IGFBPL1: variants seen among roughly 807,000 people sequenced by gnomAD.
IGFBPL1 encodes the protein insulin-like growth factor-binding protein-like 1.
In IGFBPL1, 20 loss-of-function variants were observed where a neutral mutation model predicts 23.9. That is an observed-to-expected ratio of 0.84 (90% confidence interval 0.59 to 1.22). The LOEUF (loss-of-function observed/expected upper bound fraction) is 1.22, where lower values mean the gene tolerates loss of function less well. IGFBPL1 is among the 50% of genes most tolerant of loss of function. The pLI, the probability that IGFBPL1 is intolerant of heterozygous loss-of-function variation, is 0.00. For missense variants in IGFBPL1, 436 were observed against 379.3 expected, an observed-to-expected ratio of 1.15 and a Z score of -1.24; for synonymous variants, 184 against 171.8, an observed-to-expected ratio of 1.07 and a Z score of -0.56.
chr9:38,414,772 C>T (rs1821569226), intron 1 of IGFBPL1, among the ~76,000 whole-genome samples: 1 of 152,164 alleles, frequency 6.6e-6, no homozygotes, highest in Admixed American at 6.5e-5. Flanking sequence ...CCTCTGCCTC[C>T]CCATCCCCAG....
chr9:38,424,116 G>C lies in IGFBPL1; in HGVS notation c.309C>G (p.Thr103=), dbSNP rs1163082419. The change falls in exon 1 of 5, where the codon ACC becomes ACG. Residue 103 remains threonine (T), a synonymous_variant. Coordinates refer to ENST00000377694, the MANE Select transcript of IGFBPL1 (RefSeq NM_001007563.3). ...SQAAGAAPEG[T]GLCVCAQRGT... ...CGCGCTGCGCGCACACGCAGAGCCC[G>C]GTGCCCTCGGGCGCTGCCCCAGCGG... The C allele has an allele frequency of 7.7e-7, 1 of 1,291,996 alleles. No individual in the cohort carries two copies. The highest frequency in any genetic ancestry group is 9.8e-7 in the Non-Finnish European group (1 of 1,020,412). 80.0% of individuals were successfully genotyped at this position (1,291,996 alleles called of 1,614,324 possible). A position where few individuals can be genotyped will look rare whatever the true frequency, so the allele number is the denominator to read the frequency against.
chr9:38,416,361 T>C (rs1022053758), intron 1 of IGFBPL1, among the ~76,000 whole-genome samples: 1 of 152,210 alleles, frequency 6.6e-6, no homozygotes, highest in Non-Finnish European at 1.5e-5. Flanking sequence ...CTCTAACAAC[T>C]ACAATTAAGA....
chr9:38,412,147 C>T (rs993334981), intron 3 of IGFBPL1, among the ~76,000 whole-genome samples: 1 of 152,172 alleles, frequency 6.6e-6, no homozygotes, highest in Non-Finnish European at 1.5e-5. Context: ...ATAACCAGCT[C>T]GCGTCTTTTT....
At chr9:38,409,827 G>A (rs1290994724) in intron 4 of IGFBPL1, among the ~76,000 whole-genome samples, 2 of 151,684 alleles carry the variant, frequency 1.3e-5, no homozygotes, top group East Asian at 1.9e-4. Context: ...AACTACTCAC[G>A]TACACCCATC....
At chr9:38,415,446 C>A (rs567311316) in intron 1 of IGFBPL1, among the ~76,000 whole-genome samples, 32 of 152,300 alleles carry the variant, frequency 2.1e-4, no homozygotes, top group African/African-American at 7.7e-4. Context: ...CGTCGCATCA[C>A]ACCCCAATGC....
chr9:38,423,997 A>T lies in IGFBPL1; in HGVS notation c.428T>A (p.Leu143Gln). ...RHTPRAHPGHLHKARDGPCEF... is the reference protein window; with the variant it reads ...RHTPRAHPGHQHKARDGPCEF... Reference sequence around the variant, plus strand: ...GCAAGGGCCGTCGCGCGCCTTGTGCAGGTGACCGGGGTGCGCGCGGGGCGT... The same window carrying T: ...GCAAGGGCCGTCGCGCGCCTTGTGCTGGTGACCGGGGTGCGCGCGGGGCGT... Residue 143 changes from leucine (L) to glutamine (Q), a missense_variant, in exon 1 of 5, where the codon CTG (leucine) becomes CAG (glutamine). Physicochemically the swap from Leu to Gln is moderately radical, Grantham distance 113. Transcript: ENST00000377694. 7.1e-7 allele frequency: 1 copy of T among 1,411,502 alleles called. No individual in the cohort carries two copies. 87.4% of individuals were successfully genotyped at this position (1,411,502 alleles called of 1,614,324 possible).
intron 1 of IGFBPL1, among the ~76,000 whole-genome samples, chr9:38,419,548 A>C (rs906272335): frequency 6.6e-6 from 1 of 152,138 alleles, no homozygotes; most frequent in Non-Finnish European, 1.5e-5. Flanking sequence ...AGCTCACCGA[A>C]GCTGCCAGGG....
rs982547425 is a variant in IGFBPL1, at chr9:38,408,831, G to A, written c.*396C>T. On this transcript the variant is annotated 3_prime_UTR_variant, in exon 5 of 5. Transcript: ENST00000377694. ...AGTTACAGTCAGGCAGAGGACAGCTGGGACCCTCATCCCTCCTTCTACAAC... is the reference window on the plus strand; with the variant it reads ...AGTTACAGTCAGGCAGAGGACAGCTAGGACCCTCATCCCTCCTTCTACAAC... 6.6e-6 allele frequency among the ~76,000 whole-genome samples: 1 copy of A among 152,144 alleles called. No homozygotes were observed.
Position 38,406,567 on chromosome 9 carries a change from CG to C in IGFBPL1, c.*2659del, listed in dbSNP as rs1257297876. Among the ~76,000 whole-genome samples the C allele has an allele frequency of 6.6e-6, 1 of 152,080 alleles. No individual in the cohort carries two copies. The highest frequency in any genetic ancestry group is 1.5e-5 in the Non-Finnish European group (1 of 68,008). On this transcript the variant is annotated 3_prime_UTR_variant, in exon 5 of 5. Coordinates refer to ENST00000377694, the MANE Select transcript of IGFBPL1 (RefSeq NM_001007563.3). ...TTTATTTTTTTCAGGGTGCAGGGGT[CG>C]TGACATCATGACATCTACAAAAACG...
In IGFBPL1 at chr9:38,407,137, C is replaced by T. The variant is rs1299699955; in HGVS notation, c.*2090G>A. Among the ~76,000 whole-genome samples, 1 of 137,784 alleles carries T rather than the reference C, an allele frequency of 7.3e-6. No individual in the cohort carries two copies. The highest frequency in any genetic ancestry group is 2.7e-4 in the South Asian group (1 of 3,768). The allele number at this position is 137,784 out of a possible 152,430, so 90.4% of individuals were successfully genotyped here. On this transcript the variant is annotated 3_prime_UTR_variant, in exon 5 of 5. Transcript: ENST00000377694. ...TCACAGTGCGTGGAGAAGGGAGGGGCGGGAGGGGCTGAGTGAGGAGTGGAT... is the reference window on the plus strand; with the variant it reads ...TCACAGTGCGTGGAGAAGGGAGGGGTGGGAGGGGCTGAGTGAGGAGTGGAT...
chr9:38,416,821 T>C (rs901510953), intron 1 of IGFBPL1, among the ~76,000 whole-genome samples: 1 of 151,898 alleles, frequency 6.6e-6, no homozygotes, highest in Non-Finnish European at 1.5e-5. Flanking sequence ...ACTACAGGCA[T>C]GCACTACCAC....
rs923064493 is a variant in IGFBPL1 at position 38,424,351 on chromosome 9, C to T, written c.74G>A (p.Ser25Asn). ...GCCGCCCACGTCGCGGATCCCAAGGCTCGGGGACAGCGGCGGCAGCAGCGG... is the reference window on the plus strand; with the variant it reads ...GCCGCCCACGTCGCGGATCCCAAGGTTCGGGGACAGCGGCGGCAGCAGCGG... ...LLPLLPPLSP[S>N]LGIRDVGGRR... Residue 25 changes from serine to asparagine, a missense_variant, in exon 1 of 5, where the codon AGC (serine) becomes AAC (asparagine). Coordinates refer to ENST00000377694, the MANE Select transcript of IGFBPL1 (RefSeq NM_001007563.3). 1.1e-4 allele frequency: 96 copies of T among 842,092 alleles called. No homozygotes were observed. Among genetic ancestry groups the T allele is most frequent in the Non-Finnish European group, 1.5e-4 (84 of 555,242 alleles). The allele number at this position is 842,092 out of a possible 1,614,324, so 52.2% of individuals were successfully genotyped here. A position where few individuals can be genotyped will look rare whatever the true frequency, so the allele number is the denominator to read the frequency against.
intron 1 of IGFBPL1, among the ~76,000 whole-genome samples, chr9:38,417,962 C>G (rs1821623309): frequency 6.6e-6 from 1 of 152,160 alleles, no homozygotes; most frequent in Non-Finnish European, 1.5e-5. Flanking sequence ...GTGGAACCCC[C>G]CTGAAATCTA....
chr9:38,412,895 A>C (rs938408957), intron 3 of IGFBPL1, among the ~76,000 whole-genome samples: 1 of 152,174 alleles, frequency 6.6e-6, no homozygotes, highest in African/African-American at 2.4e-5. Context: ...CCACCTTTAA[A>C]TTGGCCCACC....
chr9:38,406,888 G>A lies in IGFBPL1; in HGVS notation c.*2339C>T, dbSNP rs1821437631. Among the ~76,000 whole-genome samples the A allele has an allele frequency of 6.6e-6, 1 of 152,202 alleles. No homozygotes were observed. Among genetic ancestry groups the A allele is most frequent in the Admixed American group, 6.5e-5 (1 of 15,282 alleles). Reference sequence around the variant, plus strand: ...ATGGGCTCTGTCCACCCTGCTCTCTGGGTCTACATCCAGCCCTTCAGTTTT... The same window carrying A: ...ATGGGCTCTGTCCACCCTGCTCTCTAGGTCTACATCCAGCCCTTCAGTTTT... On this transcript the variant is annotated 3_prime_UTR_variant, in exon 5 of 5. Transcript: ENST00000377694.
rs1821513505 is a variant in IGFBPL1 at position 38,411,531 on chromosome 9, C to T, written c.706G>A (p.Glu236Lys). The stretch of plus-strand genomic sequence containing the variant: ...TGGCACTGGTACACACCCTCATCCT[C>T]CTTTCGCAGGGGGTTGATCTAGAAA... ...AWILINPLRKEDEGVYQCHAA... is the reference protein window; with the variant it reads ...AWILINPLRKKDEGVYQCHAA... The change falls in exon 4 of 5, where the codon GAG becomes AAG. Residue 236 changes from glutamate to lysine, a missense_variant. Physicochemically the swap from Glu to Lys is moderately conservative, Grantham distance 56. Coordinates refer to ENST00000377694, the MANE Select transcript of IGFBPL1 (RefSeq NM_001007563.3). 5 of 1,614,024 alleles carry T rather than the reference C, an allele frequency of 3.1e-6. No individual in the cohort carries two copies. Among genetic ancestry groups the T allele is most frequent in the Non-Finnish European group, 3.4e-6 (4 of 1,179,958 alleles).
intron 1 of IGFBPL1, among the ~76,000 whole-genome samples, chr9:38,416,307 A>G (rs1821598489): frequency 6.6e-6 from 1 of 152,220 alleles, no homozygotes; most frequent in Non-Finnish European, 1.5e-5. Context: ...GAGTAAACCA[A>G]TAAATCACAA....
intron 1 of IGFBPL1, among the ~76,000 whole-genome samples, chr9:38,422,007 C>T (rs1433527350): frequency 6.6e-6 from 1 of 152,192 alleles, no homozygotes; most frequent in Non-Finnish European, 1.5e-5. Context: ...CCTCAGATCC[C>T]ATAGATCAGA....
In IGFBPL1 at chr9:38,411,510, A is replaced by G. The variant is rs750816136; in HGVS notation, c.727T>C (p.Cys243Arg). The G allele has an allele frequency of 1.2e-6, 2 of 1,613,908 alleles. No individual in the cohort carries two copies. Among genetic ancestry groups the G allele is most frequent in the Admixed American group, 1.7e-5 (1 of 60,002 alleles). The change falls in exon 4 of 5, where the codon TGC becomes CGC. Residue 243 changes from cysteine (C) to arginine (R), a missense_variant. Transcript: ENST00000377694. ...TCTCCCACCATGTTGGCTGCATGGCACTGGTACACACCCTCATCCTCCTTT... is the reference window on the plus strand; with the variant it reads ...TCTCCCACCATGTTGGCTGCATGGCGCTGGTACACACCCTCATCCTCCTTT... Reference protein sequence around the residue: ...LRKEDEGVYQCHAANMVGEAE... With the variant: ...LRKEDEGVYQRHAANMVGEAE...
Sources: allele counts gnomAD v4.1 joint callset (sites outside exome capture counted in the v4.1 genomes callset), GRCh38; gene constraint gnomAD v4.1.1; transcripts MANE v1.5; gene names NCBI Gene and HGNC (gene_info 2026-07-23, HGNC 2026-07-21).